The following CSMD1 variants were observed in gnomAD, a reference collection of about 807,000 sequenced individuals.
CSMD1 encodes CUB and sushi domain-containing protein 1.
A neutral mutation model predicts 417.5 loss-of-function variants in CSMD1; 213 were observed. The observed-to-expected ratio is 0.51, with a 90% CI of 0.46 to 0.57. The LOEUF (loss-of-function observed/expected upper bound fraction) is 0.57. Ranked by LOEUF, CSMD1 falls within the 20% of genes least tolerant of loss-of-function variation. The pLI is 0.00. For missense variants in CSMD1, 6,923 were observed against 4,529.7 expected, an observed-to-expected ratio of 1.53 and a Z score of -15.17; for synonymous variants, 2,862 against 1,736.8, an observed-to-expected ratio of 1.65 and a Z score of -16.11.
At chr8:3,121,197 T>C (rs1817184483) in intron 41 of CSMD1, among the ~76,000 whole-genome samples, 1 of 152,198 alleles carries the variant, frequency 6.6e-6, no homozygotes, top group Admixed American at 6.5e-5. Context: ...ATTTTCAGTA[T>C]TGTAAGCATA....
intron 2 of CSMD1, among the ~76,000 whole-genome samples, chr8:4,603,624 A>C (rs1800709598): frequency 6.6e-6 from 1 of 152,174 alleles, no homozygotes. Flanking sequence ...AAATAAAATG[A>C]ATATAATCAC....
At chr8:4,672,153 A>C (rs1001451328) in intron 1 of CSMD1, among the ~76,000 whole-genome samples, 1 of 152,216 alleles carries the variant, frequency 6.6e-6, no homozygotes, top group Non-Finnish European at 1.5e-5. Flanking sequence ...ACACAGTGAA[A>C]TACCTGCTGG....
At position 3,795,092 on chromosome 8, in the gene CSMD1, T is replaced by TATATCTATCATGTACAGCTATAG. The variant is rs1473712414; in HGVS notation, c.819-41073_819-41051dup. 1.1e-4 allele frequency among the ~76,000 whole-genome samples: 9 copies of TATATCTATCATGTACAGCTATAG among 84,484 alleles called. 2 individuals carry two copies. Among genetic ancestry groups the TATATCTATCATGTACAGCTATAG allele is most frequent in the Non-Finnish European group, 1.9e-4 (8 of 41,130 alleles). The allele number at this position is 84,484 out of a possible 152,430, so 55.4% of individuals were successfully genotyped here. A position where few individuals can be genotyped will look rare whatever the true frequency, so the allele number is the denominator to read the frequency against. The stretch of plus-strand genomic sequence containing the variant: ...TATCTATCATGTACAGCTATAGATA[T>TATATCTATCATGTACAGCTATAG]ATATCTATCATGTACAGCTATAGAT... On this transcript the variant is annotated intron_variant, in intron 5 of 69. Transcript: ENST00000635120.
chr8:3,043,669 A>G (rs1811254393), intron 50 of CSMD1: 1 of 152,156 alleles, frequency 6.6e-6, no homozygotes, highest in Non-Finnish European at 1.5e-5. Flanking sequence ...GGTTTTTTTC[A>G]TGCAAAAATC....
chr8:2,956,913 A>G (rs1472812488), intron 63 of CSMD1, among the ~76,000 whole-genome samples: 1 of 152,196 alleles, frequency 6.6e-6, no homozygotes, highest in Non-Finnish European at 1.5e-5. Flanking sequence ...ATGTACATGT[A>G]CTATCAACAT....
intron 2 of CSMD1, among the ~76,000 whole-genome samples, chr8:4,568,386 G>A (rs1798720093): frequency 6.6e-6 from 1 of 152,056 alleles, no homozygotes; most frequent in Admixed American, 6.6e-5. Context: ...TTCGTTTTCT[G>A]TTTCTGTGTC....
chr8:3,244,809 A>C (rs1307404502), intron 26 of CSMD1, among the ~76,000 whole-genome samples: 5 of 152,246 alleles, frequency 3.3e-5, no homozygotes, highest in Non-Finnish European at 7.3e-5. Context: ...TCATAGTCAC[A>C]GATGGGTGCG....
chr8:3,502,486 G>A lies in CSMD1; in HGVS notation c.1345-8760C>T, dbSNP rs1195158988. On this transcript the variant is annotated intron_variant, in intron 10 of 69. Transcript: ENST00000635120. ...CCAATATGTCCTTCAGCAGGTGAAT[G>A]GATAAACTGTGGTATATCCAGACAG... Among the ~76,000 whole-genome samples, 3 of 152,166 alleles carry A rather than the reference G, an allele frequency of 2.0e-5. No homozygotes were observed. In the East Asian group the frequency reaches 5.8e-4, roughly 29 times the overall value.
chr8:4,152,495 CT>C (rs1349268670), intron 3 of CSMD1, among the ~76,000 whole-genome samples: 2 of 149,034 alleles, frequency 1.3e-5, no homozygotes, highest in Non-Finnish European at 3.0e-5. Flanking sequence ...ATGGAAAACA[CT>C]GCAAAGCCCT....
In CSMD1 at chr8:3,565,199, C is replaced by CAGAT. The variant is rs57979540; in HGVS notation, c.1344+9742_1344+9745dup. Reference sequence around the variant, plus strand: ...AAAGAAAGAAAGATACATAGATAGACAGATAGATAGATAGAGAGATAGACA... The same window carrying CAGAT: ...AAAGAAAGAAAGATACATAGATAGACAGATAGATAGATAGATAGAGAGATAGACA... On this transcript the variant is annotated intron_variant, in intron 10 of 69. Transcript: ENST00000635120. Among the ~76,000 whole-genome samples the CAGAT allele has an allele frequency of 1.0e-3, 91 of 88,550 alleles. 4 individuals carry two copies. Among genetic ancestry groups the CAGAT allele is most frequent in the East Asian group, 6.7e-4 (2 of 3,006 alleles). 58.1% of individuals were successfully genotyped at this position (88,550 alleles called of 152,430 possible). A position where few individuals can be genotyped will look rare whatever the true frequency, so the allele number is the denominator to read the frequency against.
At chr8:3,594,812 C>T (rs764161573) in intron 8 of CSMD1, among the ~76,000 whole-genome samples, 9 of 152,160 alleles carry the variant, frequency 5.9e-5, no homozygotes, top group Admixed American at 1.3e-4. Context: ...GAGGGAACCG[C>T]GGTGTGTCAT....
chr8:4,115,890 C>T (rs922574971), intron 3 of CSMD1, among the ~76,000 whole-genome samples: 7 of 151,940 alleles, frequency 4.6e-5, no homozygotes, highest in Non-Finnish European at 8.8e-5. Context: ...AACAGGAAGA[C>T]AGAAGAAAGA....
At chr8:3,513,327 C>G (rs967544832) in intron 10 of CSMD1, among the ~76,000 whole-genome samples, 55 of 151,420 alleles carry the variant, frequency 3.6e-4, no homozygotes, top group African/African-American at 1.3e-3. Context: ...GGCTTTGTCA[C>G]TTGCCCACAG....
At chr8:3,046,167 A>G (rs942281948) in intron 50 of CSMD1, among the ~76,000 whole-genome samples, 5 of 152,162 alleles carry the variant, frequency 3.3e-5, no homozygotes, top group African/African-American at 1.2e-4. Flanking sequence ...TATGCTCACA[A>G]AGTCAGTCTG....
chr8:3,515,743 C>A (rs1027654541), intron 10 of CSMD1, among the ~76,000 whole-genome samples: 25 of 152,194 alleles, frequency 1.6e-4, no homozygotes, highest in African/African-American at 5.5e-4. Context: ...CAGGTGTATG[C>A]CTTCCCCATT....
intron 1 of CSMD1, among the ~76,000 whole-genome samples, chr8:4,779,789 A>T (rs1180418897): frequency 1.3e-5 from 2 of 152,202 alleles, no homozygotes; most frequent in Non-Finnish European, 2.9e-5. Context: ...CCTTTTGGCA[A>T]TGACGACCCA....
chr8:3,661,476 T>C (rs1035278042), intron 7 of CSMD1, among the ~76,000 whole-genome samples: 1 of 151,554 alleles, frequency 6.6e-6, no homozygotes, highest in Non-Finnish European at 1.5e-5. Flanking sequence ...ACTTGCGAAA[T>C]GTTCATTGCT....
chr8:3,315,740 T>G (rs1193081514), intron 23 of CSMD1, among the ~76,000 whole-genome samples: 1 of 152,166 alleles, frequency 6.6e-6, no homozygotes, highest in Non-Finnish European at 1.5e-5. Context: ...AGCCTGTAAA[T>G]GTCCAGAATG....
chr8:4,683,831 C>T (rs1993870), intron 1 of CSMD1, among the ~76,000 whole-genome samples: 112,522 of 152,172 alleles, frequency 0.74, 42,832 homozygotes, highest in African/African-American at 0.92. Context: ...AACAAGTAGA[C>T]AATTACTCCT....
Sources: gnomAD v4.1 joint callset for allele counts (sites outside exome capture counted in the v4.1 genomes callset) on GRCh38, gnomAD v4.1.1 for gene constraint, MANE v1.5 for transcripts, NCBI Gene and HGNC (gene_info 2026-07-23, HGNC 2026-07-21) for gene names.